TMEM87B: variants seen among roughly 807,000 people sequenced by gnomAD.
TMEM87B encodes the protein transmembrane protein 87B.
A neutral mutation model predicts 80.3 loss-of-function variants in TMEM87B; 83 were observed. The ratio of observed to expected loss-of-function variants is 1.03; its 90% CI spans 0.87 to 1.24. The LOEUF is 1.24. TMEM87B is among the 50% of genes most tolerant of loss of function. TMEM87B has a pLI of 0.00. For missense variants in TMEM87B, 625 were observed against 674.4 expected, an observed-to-expected ratio of 0.93 and a Z score of 0.81; for synonymous variants, 219 against 230.5, an observed-to-expected ratio of 0.95 and a Z score of 0.45.
At chr2:112,066,574 T>G (rs1678443914) in intron 3 of TMEM87B, among the ~76,000 whole-genome samples, 2 of 152,244 alleles carry the variant, frequency 1.3e-5, no homozygotes, top group African/African-American at 4.8e-5. Context: ...TGAATGCTAC[T>G]TTCTTTCTCT....
intron 11 of TMEM87B, among the ~76,000 whole-genome samples, chr2:112,092,337 G>A (rs1679328732): frequency 6.6e-6 from 1 of 152,176 alleles, no homozygotes; most frequent in Non-Finnish European, 1.5e-5. Context: ...GAATGTCCAG[G>A]GAAGCCTGCC....
chr2:112,074,785 T>C (rs565187184), intron 4 of TMEM87B, 127 bp from the exon 5 acceptor site: 1 of 1,187,426 alleles, frequency 8.4e-7, no homozygotes, highest in African/African-American at 1.6e-5. Flanking sequence ...TACAGTGAGA[T>C]TTGTTCTTTG....
At chr2:112,105,569 G>C (rs967128765) in intron 15 of TMEM87B, among the ~76,000 whole-genome samples, 1 of 152,140 alleles carries the variant, frequency 6.6e-6, no homozygotes, top group Admixed American at 6.5e-5. Flanking sequence ...AAGAAATCTT[G>C]ATCTTTCCTA....
chr2:112,080,833 A>C (rs1018618468), intron 6 of TMEM87B, among the ~76,000 whole-genome samples: 1 of 152,118 alleles, frequency 6.6e-6, no homozygotes, highest in African/African-American at 2.4e-5. Flanking sequence ...TGTTCTCCCT[A>C]TGTTTTCTTC....
chr2:112,108,448 T>C (rs1679831183), intron 17 of TMEM87B, among the ~76,000 whole-genome samples: 1 of 152,230 alleles, frequency 6.6e-6, no homozygotes, highest in South Asian at 2.1e-4. Flanking sequence ...ATTTCTTTCT[T>C]GTAGTGCAGG....
chr2:112,081,208 T>C, intron 7 of TMEM87B, 90 bp downstream of exon 7: 1 of 1,455,600 alleles, frequency 6.9e-7, no homozygotes, highest in Non-Finnish European at 9.6e-7. Context: ...AGTTAATGCT[T>C]TGACATATCC....
intron 3 of TMEM87B, among the ~76,000 whole-genome samples, chr2:112,065,470 C>T (rs957552619): frequency 2.0e-5 from 3 of 151,910 alleles, no homozygotes; most frequent in Non-Finnish European, 4.4e-5. Context: ...ACAAGTGAGA[C>T]CCTGTCTCTA....
intron 10 of TMEM87B, among the ~76,000 whole-genome samples, 156 bp from the exon 11 acceptor site, chr2:112,091,556 A>T (rs1679301206): frequency 6.6e-6 from 1 of 152,232 alleles, no homozygotes; most frequent in African/African-American, 2.4e-5. Flanking sequence ...GGTCATTTCC[A>T]TGTGCTTAAA....
At chr2:112,070,669 G>C (rs980089288) in intron 4 of TMEM87B, among the ~76,000 whole-genome samples, 2 of 152,058 alleles carry the variant, frequency 1.3e-5, no homozygotes, top group African/African-American at 4.8e-5. Context: ...CTCTCTTCTG[G>C]TTCCATATGA....
Position 112,055,748 on chromosome 2 carries a change from G to C in TMEM87B, c.157G>C (p.Val53Leu). ...TGAGCTCGGGCTCTGGTTAGAGACA[G>C]TCAACGACGTAAGTGGAGTGTCGGG... ...VPELGLWLET[V>L]NDKSGPLIFR... The change falls in exon 1 of 19, where the codon GTC becomes CTC. Residue 53 changes from valine to leucine, a missense_variant. Transcript: ENST00000283206. 5.4e-6 allele frequency: 8 copies of C among 1,489,088 alleles called. No homozygotes were observed. Among genetic ancestry groups the C allele is most frequent in the Non-Finnish European group, 7.1e-6 (8 of 1,123,926 alleles). The allele number at this position is 1,489,088 out of a possible 1,614,324, so 92.2% of individuals were successfully genotyped here. A position where few individuals can be genotyped will look rare whatever the true frequency, so the allele number is the denominator to read the frequency against.
chr2:112,074,757 T>A (rs948174985), intron 4 of TMEM87B, among the ~76,000 whole-genome samples, 155 bp from the exon 5 acceptor site: 3 of 152,228 alleles, frequency 2.0e-5, no homozygotes, highest in Non-Finnish European at 4.4e-5. Flanking sequence ...AGCAGAACTT[T>A]GTTACTTGTG....
intron 15 of TMEM87B, among the ~76,000 whole-genome samples, chr2:112,101,265 A>G (rs1679623398): frequency 6.6e-6 from 1 of 152,198 alleles, no homozygotes; most frequent in Admixed American, 6.5e-5. Flanking sequence ...TTCTCTTAGT[A>G]ACATTCTTTT....
At chr2:112,080,917 G>C in intron 6 of TMEM87B, 140 bp from the exon 7 acceptor site, 1 of 680,808 alleles carries the variant, frequency 1.5e-6, no homozygotes, top group Non-Finnish European at 2.5e-6. Context: ...AATACTAATT[G>C]TCCAATACCA....
At chr2:112,055,865 C>A in intron 1 of TMEM87B, 109 bp downstream of exon 1, 1 of 1,327,290 alleles carries the variant, frequency 7.5e-7, no homozygotes, top group South Asian at 1.7e-5. Context: ...GGGTCAGCAC[C>A]GGGTCCCCTG....
At chr2:112,077,605 G>A (rs1421113739) in intron 6 of TMEM87B, among the ~76,000 whole-genome samples, 1 of 152,110 alleles carries the variant, frequency 6.6e-6, no homozygotes, top group Non-Finnish European at 1.5e-5. Flanking sequence ...TTTTAGTTGT[G>A]TATTTCAAGT....
chr2:112,077,512 T>G (rs1178811305), intron 6 of TMEM87B, among the ~76,000 whole-genome samples: 3 of 152,226 alleles, frequency 2.0e-5, no homozygotes, highest in African/African-American at 7.2e-5. Context: ...TTTTAAAATT[T>G]CAAACTTCAT....
At chr2:112,100,577 C>T in intron 14 of TMEM87B, 45 bp from the exon 15 acceptor site, 1 of 1,271,318 alleles carries the variant, frequency 7.9e-7, no homozygotes, top group Non-Finnish European at 1.1e-6. Context: ...GAAAATTGAA[C>T]AAGTTTAAAC....
chr2:112,066,246 A>G (rs1447896851), intron 3 of TMEM87B, among the ~76,000 whole-genome samples: 1 of 152,302 alleles, frequency 6.6e-6, no homozygotes, highest in East Asian at 1.9e-4. Context: ...TTAGCATTCT[A>G]CTATAAGGAT....
At chr2:112,070,923 G>T (rs906082034) in intron 4 of TMEM87B, among the ~76,000 whole-genome samples, 39 of 151,436 alleles carry the variant, frequency 2.6e-4, no homozygotes, top group Non-Finnish European at 5.2e-4. Context: ...CCGGGTTCAT[G>T]CCATTCTCCT....
Sources: gnomAD v4.1 joint callset for allele counts (sites outside exome capture counted in the v4.1 genomes callset) on GRCh38, gnomAD v4.1.1 for gene constraint, MANE v1.5 for transcripts, NCBI Gene and HGNC (gene_info 2026-07-23, HGNC 2026-07-21) for gene names.